The following EPHA3 variants were observed in gnomAD, a reference collection of about 807,000 sequenced individuals.
EPHA3 encodes ephrin type-A receptor 3.
Under a neutral mutation model 107.1 loss-of-function variants are expected in EPHA3, and 42 were observed. That is an observed-to-expected ratio of 0.39 (90% CI 0.31 to 0.51). The LOEUF (loss-of-function observed/expected upper bound fraction) is 0.51. Among genes scored for constraint, EPHA3 ranks in the 20% least tolerant of loss-of-function variants. The pLI, the probability that EPHA3 is intolerant of heterozygous loss-of-function variation, is 0.78. For synonymous variants in EPHA3, 461 were observed against 424.8 expected (o/e 1.09, Z -1.05); for missense variants, 1,183 against 1,211.2 (o/e 0.98, Z 0.35).
intron 3 of EPHA3, among the ~76,000 whole-genome samples, chr3:89,270,427 T>C (rs9866618): frequency 0.21 from 32,276 of 151,990 alleles, 3,813 homozygotes; most frequent in Non-Finnish European, 0.27. Context: ...TTAGTCCACC[T>C]GTTTTAGTCA....
intron 5 of EPHA3, among the ~76,000 whole-genome samples, chr3:89,345,716 C>T (rs1320696006): frequency 2.1e-5 from 3 of 145,596 alleles, no homozygotes; most frequent in African/African-American, 7.5e-5. Flanking sequence ...GCTGCACCCA[C>T]TAACTCGTCA....
intron 15 of EPHA3, among the ~76,000 whole-genome samples, chr3:89,453,397 T>G (rs1017248711): frequency 1.3e-5 from 2 of 152,130 alleles, no homozygotes; most frequent in African/African-American, 2.4e-5. Flanking sequence ...CATAATTCAC[T>G]TTTCCACTCT....
chr3:89,374,312 G>A (rs1433332788), intron 5 of EPHA3, among the ~76,000 whole-genome samples: 3 of 151,862 alleles, frequency 2.0e-5, no homozygotes, highest in African/African-American at 2.4e-5. Context: ...CGTCATGAGT[G>A]CCTACAGAAA....
intron 3 of EPHA3, among the ~76,000 whole-genome samples, chr3:89,293,114 C>T (rs1187771360): frequency 3.9e-5 from 6 of 152,132 alleles, no homozygotes; most frequent in Non-Finnish European, 7.4e-5. Context: ...AGTGTCATTT[C>T]GTGTGCTTAT....
chr3:89,216,703 T>G (rs1704230694), intron 3 of EPHA3, among the ~76,000 whole-genome samples: 1 of 152,106 alleles, frequency 6.6e-6, no homozygotes, highest in African/African-American at 2.4e-5. Flanking sequence ...GTAAAGAACA[T>G]TCATCTTCAC....
chr3:89,228,447 ATTCAACG>A (rs1337853599), intron 3 of EPHA3, among the ~76,000 whole-genome samples: 1 of 151,962 alleles, frequency 6.6e-6, no homozygotes, highest in African/African-American at 2.4e-5. Flanking sequence ...TGCTCTTGTC[ATTCAACG>A]TGTTAGGGAA....
chr3:89,445,952 G>T (rs1709869637), intron 13 of EPHA3, among the ~76,000 whole-genome samples: 1 of 152,126 alleles, frequency 6.6e-6, no homozygotes, highest in African/African-American at 2.4e-5. Flanking sequence ...TACATTGAAA[G>T]GTTTAAAGTT....
At chr3:89,395,759 C>G (rs113654512) in intron 5 of EPHA3, 78 bp from the exon 6 acceptor site, 17 of 1,537,538 alleles carry the variant, frequency 1.1e-5, no homozygotes. Flanking sequence ...TTCCCTTCTC[C>G]CTCTGTTCTT....
At chr3:89,340,340 A>C (rs961122789) in intron 3 of EPHA3, among the ~76,000 whole-genome samples, 3 of 152,214 alleles carry the variant, frequency 2.0e-5, no homozygotes, top group African/African-American at 7.2e-5. Context: ...TCTTTATTTT[A>C]GGCCATTGCC....
chr3:89,179,948 A>G (rs2107116984), intron 2 of EPHA3, among the ~76,000 whole-genome samples: 2 of 151,892 alleles, frequency 1.3e-5, no homozygotes, highest in African/African-American at 4.8e-5. Flanking sequence ...CAATACCCTG[A>G]GACTTAGAGG....
At chr3:89,259,772 A>G (rs1396322449) in intron 3 of EPHA3, among the ~76,000 whole-genome samples, 1 of 152,170 alleles carries the variant, frequency 6.6e-6, no homozygotes, top group Admixed American at 6.5e-5. Context: ...TTAGATCTTT[A>G]GATTTGTTCA....
chr3:89,232,933 C>T (rs1445962493), intron 3 of EPHA3, among the ~76,000 whole-genome samples: 1 of 152,050 alleles, frequency 6.6e-6, no homozygotes, highest in Non-Finnish European at 1.5e-5. Context: ...TCTCCCTGTA[C>T]CTGAATTCAT....
chr3:89,111,879 A>ATT (rs1268344374), intron 1 of EPHA3, among the ~76,000 whole-genome samples: 1 of 152,108 alleles, frequency 6.6e-6, no homozygotes, highest in Admixed American at 6.5e-5. Context: ...TAAATGAGCA[A>ATT]TTATAAACTC....
Position 89,380,336 on chromosome 3 carries a change from C to T in EPHA3, c.1307-15501C>T, listed in dbSNP as rs138190817. Reference sequence around the variant, plus strand: ...ATGTGAGAATGAAGTTATAATGGAGCCACAGTTGAATCCATACACATATAT... The same window carrying T: ...ATGTGAGAATGAAGTTATAATGGAGTCACAGTTGAATCCATACACATATAT... On this transcript the variant is annotated intron_variant, in intron 5 of 16. Transcript: ENST00000336596. Among the ~76,000 whole-genome samples the T allele has an allele frequency of 3.4e-3, 522 of 152,260 alleles. 5 individuals are homozygous for T. The highest frequency in any genetic ancestry group is 0.011 in the African/African-American group (469 of 41,546).
chr3:89,342,854 C>CACAT (rs1209617659), intron 5 of EPHA3, among the ~76,000 whole-genome samples: 1 of 135,750 alleles, frequency 7.4e-6, no homozygotes, highest in African/African-American at 3.1e-5. Flanking sequence ...CTTATTTTTA[C>CACAT]ACATACACAC....
At chr3:89,255,715 A>G (rs1705269426) in intron 3 of EPHA3, among the ~76,000 whole-genome samples, 1 of 152,126 alleles carries the variant, frequency 6.6e-6, no homozygotes, top group African/African-American at 2.4e-5. Flanking sequence ...AGCCTGGCCA[A>G]CATGGCAAAA....
At chr3:89,295,430 CA>C (rs1443782490) in intron 3 of EPHA3, among the ~76,000 whole-genome samples, 1 of 152,068 alleles carries the variant, frequency 6.6e-6, no homozygotes, top group Non-Finnish European at 1.5e-5. Context: ...AGGTTCACTG[CA>C]TCTTTCACGA....
At chr3:89,413,038 A>G in intron 9 of EPHA3, 103 bp from the exon 10 acceptor site, 1 of 1,484,700 alleles carries the variant, frequency 6.7e-7, no homozygotes, top group Non-Finnish European at 9.2e-7. Flanking sequence ...TGTGCACCTT[A>G]TGGGGTAGGG....
At chr3:89,338,249 T>G (rs903276557) in intron 3 of EPHA3, among the ~76,000 whole-genome samples, 2 of 152,184 alleles carry the variant, frequency 1.3e-5, no homozygotes, top group Non-Finnish European at 2.9e-5. Context: ...CAACACTACT[T>G]GCCATAAAAT....
Sources: gnomAD v4.1 joint callset for allele counts (sites outside exome capture counted in the v4.1 genomes callset) on GRCh38, gnomAD v4.1.1 for gene constraint, MANE v1.5 for transcripts, NCBI Gene and HGNC (gene_info 2026-07-23, HGNC 2026-07-21) for gene names.